ANTXR2: variants seen among roughly 807,000 people sequenced by gnomAD.
ANTXR2 encodes anthrax toxin receptor 2.
In ANTXR2, 44 loss-of-function variants were observed where a neutral mutation model predicts 73.7. That is an observed-to-expected ratio of 0.60 (90% CI 0.47 to 0.77). The LOEUF is 0.77. ANTXR2 is among the 30% of genes least tolerant of loss of function. The pLI, the probability that ANTXR2 is intolerant of heterozygous loss-of-function variation, is 0.00. For missense variants in ANTXR2, 604 were observed against 592.5 expected, an observed-to-expected ratio of 1.02 and a Z score of -0.20; for synonymous variants, 217 against 205.9, an observed-to-expected ratio of 1.05 and a Z score of -0.46.
intron 16 of ANTXR2, among the ~76,000 whole-genome samples, chr4:79,914,439 G>A (rs1374622998): frequency 6.6e-6 from 1 of 151,950 alleles, no homozygotes; most frequent in Non-Finnish European, 1.5e-5. Flanking sequence ...AGTAGACTAG[G>A]TATAAGCAAA....
chr4:79,924,063 G>A (rs1727690745), intron 16 of ANTXR2, among the ~76,000 whole-genome samples: 1 of 152,064 alleles, frequency 6.6e-6, no homozygotes, highest in Non-Finnish European at 1.5e-5. Flanking sequence ...ATAATGCTGG[G>A]GTTTGGGCTT....
rs185824949 is a variant in ANTXR2 at position 80,002,374 on chromosome 4, T to A, written c.1041+6147A>T. ...CTAGCCATGTGTAGAAAGCTGAAAC[T>A]GGATCCCTTCCTTACACCTTATACA... On this transcript the variant is annotated intron_variant, in intron 12 of 16. Coordinates refer to ENST00000403729, the MANE Select transcript of ANTXR2 (RefSeq NM_058172.6). Among the ~76,000 whole-genome samples the A allele has an allele frequency of 1.1e-3, 171 of 152,302 alleles. 2 individuals are homozygous for A. The highest frequency in any genetic ancestry group is 3.9e-3 in the African/African-American group (163 of 41,570).
chr4:80,063,179 A>G (rs547945935), intron 3 of ANTXR2, among the ~76,000 whole-genome samples: 2 of 152,302 alleles, frequency 1.3e-5, no homozygotes, highest in South Asian at 2.1e-4. Context: ...AGATTGCTGT[A>G]TGGTAGGAAT....
intron 7 of ANTXR2, among the ~76,000 whole-genome samples, chr4:80,053,980 A>T (rs548346536): frequency 6.6e-6 from 1 of 151,876 alleles, no homozygotes; most frequent in South Asian, 2.1e-4. Flanking sequence ...TCAGGATATC[A>T]AGACAGTTAA....
intron 3 of ANTXR2, among the ~76,000 whole-genome samples, chr4:80,066,116 T>C (rs368783822): frequency 6.6e-6 from 1 of 152,138 alleles, no homozygotes; most frequent in African/African-American, 2.4e-5. Context: ...ACTTGAGAAG[T>C]TACTGATTTA....
intron 16 of ANTXR2, among the ~76,000 whole-genome samples, chr4:79,925,113 G>T (rs1002772342): frequency 8.5e-5 from 13 of 152,104 alleles, no homozygotes; most frequent in African/African-American, 3.1e-4. Flanking sequence ...AGAGAAGGCT[G>T]AATGAATAAA....
In ANTXR2 at chr4:79,937,047, TTAA is replaced by T. The variant is rs982060253; in HGVS notation, c.1429-29583_1429-29581del. ...CTTTGTTGCAAAGAAGAAAAATGTA[TTAA>T]TAATTTTTACTTTTAATAAATACAT... On this transcript the variant is annotated intron_variant, in intron 16 of 16. Transcript: ENST00000403729. 3.8e-3 allele frequency among the ~76,000 whole-genome samples: 472 copies of T among 122,744 alleles called. 3 individuals are homozygous for T. The highest frequency in any genetic ancestry group is 0.015 in the African/African-American group (434 of 29,720). The allele number at this position is 122,744 out of a possible 152,430, so 80.5% of individuals were successfully genotyped here. A position where few individuals can be genotyped will look rare whatever the true frequency, so the allele number is the denominator to read the frequency against.
intron 10 of ANTXR2, among the ~76,000 whole-genome samples, chr4:80,026,156 A>G (rs1732426665): frequency 6.6e-6 from 1 of 152,122 alleles, no homozygotes; most frequent in African/African-American, 2.4e-5. Context: ...CCCCCCGTGT[A>G]AAGGGAGGAT....
chr4:79,923,204 A>T (rs1341236123), intron 16 of ANTXR2, among the ~76,000 whole-genome samples: 1 of 152,184 alleles, frequency 6.6e-6, no homozygotes, highest in Non-Finnish European at 1.5e-5. Flanking sequence ...ATGAATATTG[A>T]AAGTTTCAGT....
Position 79,988,903 on chromosome 4 carries a change from A to C in ANTXR2, c.1042-4040T>G, listed in dbSNP as rs550620073. On this transcript the variant is annotated intron_variant, in intron 12 of 16. Transcript: ENST00000403729. The stretch of plus-strand genomic sequence containing the variant: ...ACTTGCTCCTAAATGACTTTCAGGC[A>C]AAGAGTGAAATTAAGGCAGAAATTT... Among the ~76,000 whole-genome samples, 15 of 152,302 alleles carry C rather than the reference A, an allele frequency of 9.8e-5. No homozygotes were observed. The East Asian group carries it at 2.9e-3, about 29-fold the overall frequency.
At position 80,018,905 on chromosome 4, in the gene ANTXR2, G is replaced by C. The variant is rs762386699; in HGVS notation, c.938C>G (p.Thr313Arg). 6 of 1,521,082 alleles carry C rather than the reference G, an allele frequency of 3.9e-6. No individual in the cohort carries two copies. In the South Asian group the frequency reaches 7.9e-5, roughly 20 times the overall value. The allele number at this position is 1,521,082 out of a possible 1,614,324, so 94.2% of individuals were successfully genotyped here. A position where few individuals can be genotyped will look rare whatever the true frequency, so the allele number is the denominator to read the frequency against. ...VISGSLIVTA[T>R]ECSNGIAAII... Reference sequence around the variant, plus strand: ...GTGCAAACTTTTACTTACACATTCTGTGGCTGTGACAATTAATGATCCTGA... The same window carrying C: ...GTGCAAACTTTTACTTACACATTCTCTGGCTGTGACAATTAATGATCCTGA... The change falls in exon 11 of 17, where the codon ACA (threonine) becomes AGA (arginine). Residue 313 changes from threonine (T) to arginine (R), a missense_variant. Transcript: ENST00000403729.
chr4:79,928,693 AC>A (rs1000482240), intron 16 of ANTXR2, among the ~76,000 whole-genome samples: 11 of 152,138 alleles, frequency 7.2e-5, no homozygotes, highest in South Asian at 2.1e-4. Flanking sequence ...GAATAAAAAA[AC>A]ATTTACTAAA....
Position 79,956,205 on chromosome 4 carries a change from G to T in ANTXR2, c.1428+21416C>A, listed in dbSNP as rs373640559. Among the ~76,000 whole-genome samples the T allele has an allele frequency of 5.9e-5, 9 of 152,254 alleles. No homozygotes were observed. In the East Asian group the frequency reaches 1.2e-3, roughly 20 times the overall value. ...ATATAATTAAATGTATGTTGTGTAT[G>T]TGTATTATAGAGTAATATGCATGCA... On this transcript the variant is annotated intron_variant, in intron 16 of 16. Coordinates refer to ENST00000403729, the MANE Select transcript of ANTXR2 (RefSeq NM_058172.6).
At chr4:79,918,218 A>C (rs1727430672) in intron 16 of ANTXR2, among the ~76,000 whole-genome samples, 1 of 152,216 alleles carries the variant, frequency 6.6e-6, no homozygotes. Context: ...CTATGAGACA[A>C]TATCCAATGG....
intron 6 of ANTXR2, 64 bp from the exon 7 acceptor site, chr4:80,054,416 C>T (rs1000066051): frequency 1.4e-5 from 17 of 1,177,666 alleles, no homozygotes; most frequent in East Asian, 7.5e-5. Flanking sequence ...TTATAAACTT[C>T]GTTACATTTC....
chr4:80,016,071 G>T (rs1560994437), intron 11 of ANTXR2, among the ~76,000 whole-genome samples: 1 of 151,834 alleles, frequency 6.6e-6, no homozygotes, highest in East Asian at 1.9e-4. Flanking sequence ...AATTAAAATA[G>T]GACAAAGAAC....
chr4:80,018,241 A>T (rs1322554474), intron 11 of ANTXR2, among the ~76,000 whole-genome samples: 2 of 152,184 alleles, frequency 1.3e-5, no homozygotes, highest in Non-Finnish European at 1.5e-5. Context: ...GGTCCTGTTT[A>T]GTGCTGCCCG....
intron 10 of ANTXR2, among the ~76,000 whole-genome samples, chr4:80,029,093 A>T (rs62298638): frequency 0.099 from 15,093 of 152,104 alleles, 1,883 homozygotes; most frequent in East Asian, 0.66. Flanking sequence ...CTCATGTCTG[A>T]TATTTATTAT....
chr4:79,926,765 G>A (rs1341215145), intron 16 of ANTXR2, among the ~76,000 whole-genome samples: 7 of 151,954 alleles, frequency 4.6e-5, no homozygotes, highest in Admixed American at 4.6e-4. Flanking sequence ...AACTGCACAG[G>A]TATCTGCATT....
Sources: gnomAD v4.1 joint callset for allele counts (sites outside exome capture counted in the v4.1 genomes callset) on GRCh38, gnomAD v4.1.1 for gene constraint, MANE v1.5 for transcripts, NCBI Gene and HGNC (gene_info 2026-07-23, HGNC 2026-07-21) for gene names.